FBN2: variants seen among roughly 807,000 people sequenced by gnomAD.
The protein encoded by FBN2 is fibrillin 2.
In FBN2, 105 loss-of-function variants were observed where a neutral mutation model predicts 355.6. That is an observed-to-expected ratio of 0.30 (90% CI 0.25 to 0.35). The LOEUF (loss-of-function observed/expected upper bound fraction) is 0.35, where lower values mean the gene tolerates loss of function less well. Among genes scored for constraint, FBN2 ranks in the 10% least tolerant of loss-of-function variants. The probability of loss-of-function intolerance (pLI) is 1.00; values close to 1 mark genes in which losing one functional copy is unlikely to be tolerated. For synonymous variants in FBN2, 1,350 were observed against 1,301.2 expected, an observed-to-expected ratio of 1.04 and a Z score of -0.81; for missense variants, 3,280 against 3,758.7, an observed-to-expected ratio of 0.87 and a Z score of 3.33.
chr5:128,422,872 A>G (rs1581279956), intron 7 of FBN2, among the ~76,000 whole-genome samples: 1 of 152,176 alleles, frequency 6.6e-6, no homozygotes, highest in Non-Finnish European at 1.5e-5. Flanking sequence ...TTCCAAACAC[A>G]TAGCACTGAC....
chr5:128,324,750 T>C (rs1420473160), intron 34 of FBN2, among the ~76,000 whole-genome samples: 2 of 152,072 alleles, frequency 1.3e-5, no homozygotes, highest in Non-Finnish European at 2.9e-5. Context: ...CCTGAGTAGC[T>C]ACGACTACAG....
chr5:128,438,289 G>A (rs890119370), intron 7 of FBN2, among the ~76,000 whole-genome samples: 1 of 152,172 alleles, frequency 6.6e-6, no homozygotes, highest in Non-Finnish European at 1.5e-5. Flanking sequence ...CGCCGTGCCC[G>A]GCTACATTCA....
At chr5:128,447,131 C>T (rs1359642383) in intron 6 of FBN2, among the ~76,000 whole-genome samples, 2 of 152,080 alleles carry the variant, frequency 1.3e-5, no homozygotes, top group South Asian at 2.1e-4. Flanking sequence ...CGCCTCAGGA[C>T]CCTGTGATGA....
At chr5:128,372,469 T>A (rs531671136) in intron 15 of FBN2, among the ~76,000 whole-genome samples, 2 of 152,104 alleles carry the variant, frequency 1.3e-5, no homozygotes, top group South Asian at 4.2e-4. Context: ...ATCCTAATAG[T>A]TTTTCATAAC....
chr5:128,316,734 AATGGATTTCTT>A (rs879331132), intron 36 of FBN2, among the ~76,000 whole-genome samples: 8 of 152,142 alleles, frequency 5.3e-5, no homozygotes, highest in Non-Finnish European at 8.8e-5. Flanking sequence ...AATTGTTTCA[AATGGATTTCTT>A]ATTCCTAATG....
chr5:128,336,923 G>T (rs1019635855), intron 27 of FBN2, among the ~76,000 whole-genome samples: 5 of 152,076 alleles, frequency 3.3e-5, no homozygotes, highest in Admixed American at 2.0e-4. Flanking sequence ...TAACCAAGAA[G>T]ATTATATGGC....
At chr5:128,489,887 A>C (rs1755453368) in intron 5 of FBN2, among the ~76,000 whole-genome samples, 1 of 152,188 alleles carries the variant, frequency 6.6e-6, no homozygotes. Context: ...TGAAGACTAC[A>C]GATGTAGGAG....
intron 27 of FBN2, among the ~76,000 whole-genome samples, chr5:128,336,370 A>G (rs1225581422): frequency 6.6e-6 from 1 of 152,226 alleles, no homozygotes; most frequent in African/African-American, 2.4e-5. Flanking sequence ...TGTGCTACTG[A>G]GTACTGGAAA....
intron 7 of FBN2, among the ~76,000 whole-genome samples, chr5:128,432,591 C>G (rs1327632162): frequency 1.3e-5 from 2 of 152,116 alleles, no homozygotes; most frequent in Non-Finnish European, 2.9e-5. Context: ...AAAAGTTTGC[C>G]AAGCCCTGAT....
At position 128,520,679 on chromosome 5, in the gene FBN2, A is replaced by T. The variant is rs74949107; in HGVS notation, c.533-1311T>A. 5.9e-3 allele frequency among the ~76,000 whole-genome samples: 897 copies of T among 152,292 alleles called. 8 individuals are homozygous for T. Among genetic ancestry groups the T allele is most frequent in the African/African-American group, 0.02 (817 of 41,556 alleles). ...GATGATGGTCAGAAGACTAAAACGC[A>T]CTTGGAAATAAAAGATGATCTTGAC... is the stretch of plus-strand genomic sequence containing the variant. On this transcript the variant is annotated intron_variant, in intron 4 of 64. Transcript: ENST00000262464.
rs574386396 is a variant in FBN2 at position 128,322,665 on chromosome 5, C to A, written c.4472-3664G>T. Among the ~76,000 whole-genome samples the A allele has an allele frequency of 3.9e-5, 6 of 152,192 alleles. No individual in the cohort carries two copies. The East Asian group carries it at 1.2e-3, about 29-fold the overall frequency. Reference sequence around the variant, plus strand: ...CTGTATCTCTGTTTTGGTACCAGTACCATGCTGTTATGGTTACTGTGGCCT... The same window carrying A: ...CTGTATCTCTGTTTTGGTACCAGTAACATGCTGTTATGGTTACTGTGGCCT... On this transcript the variant is annotated intron_variant, in intron 34 of 64. Coordinates refer to ENST00000262464, the MANE Select transcript of FBN2 (RefSeq NM_001999.4).
At chr5:128,370,642 T>C (rs1446357617) in intron 15 of FBN2, among the ~76,000 whole-genome samples, 2 of 152,132 alleles carry the variant, frequency 1.3e-5, no homozygotes, top group Non-Finnish European at 2.9e-5. Context: ...CAATATGATT[T>C]TTGTGAGTTC....
chr5:128,371,244 C>G (rs1165449606), intron 15 of FBN2: 3 of 152,122 alleles, frequency 2.0e-5, no homozygotes, highest in African/African-American at 7.2e-5. Flanking sequence ...AATTGGCAAC[C>G]TAGCTCATAT....
At chr5:128,496,625 A>T (rs190223719) in intron 5 of FBN2, among the ~76,000 whole-genome samples, 3 of 152,268 alleles carry the variant, frequency 2.0e-5, no homozygotes, top group African/African-American at 4.8e-5. Flanking sequence ...TGCCACTTCT[A>T]TTCAACATTT....
intron 19 of FBN2, among the ~76,000 whole-genome samples, chr5:128,359,179 C>T (rs1238274462): frequency 6.6e-6 from 1 of 151,994 alleles, no homozygotes; most frequent in African/African-American, 2.4e-5. Context: ...GAACTTTACT[C>T]TCTTTATTAT....
chr5:128,286,229 A>T (rs1749141679), intron 55 of FBN2, among the ~76,000 whole-genome samples: 1 of 152,222 alleles, frequency 6.6e-6, no homozygotes, highest in Admixed American at 6.5e-5. Context: ...AAAAAATCCA[A>T]TTATAATTTG....
chr5:128,520,950 A>C (rs1364187720), intron 4 of FBN2, among the ~76,000 whole-genome samples: 7 of 152,174 alleles, frequency 4.6e-5, no homozygotes, highest in Non-Finnish European at 1.5e-5. Flanking sequence ...GGCCACGGGG[A>C]ACATGAAAAA....
At chr5:128,425,520 C>T (rs938412696) in intron 7 of FBN2, among the ~76,000 whole-genome samples, 1 of 152,070 alleles carries the variant, frequency 6.6e-6, no homozygotes, top group Non-Finnish European at 1.5e-5. Flanking sequence ...CATTAAGCAT[C>T]AGTACATGAA....
Position 128,350,018 on chromosome 5 carries a change from C to T in FBN2, c.2813-13G>A, listed in dbSNP as rs1751305349. On this transcript the variant is annotated splice_polypyrimidine_tract_variant and intron_variant, in intron 21 of 64. Transcript: ENST00000262464. The stretch of plus-strand genomic sequence containing the variant: ...GGGCAAGCTGTATCTGTAACAACAA[C>T]AGGACAAATTTTACTTCATTATAGA... 1.9e-6 allele frequency: 3 copies of T among 1,611,182 alleles called. No homozygotes were observed. The highest frequency in any genetic ancestry group is 1.3e-5 in the African/African-American group (1 of 74,970).
Sources: allele counts gnomAD v4.1 joint callset (sites outside exome capture counted in the v4.1 genomes callset), GRCh38; gene constraint gnomAD v4.1.1; transcripts MANE v1.5; gene names NCBI Gene and HGNC (gene_info 2026-07-23, HGNC 2026-07-21).